Variants in AUTS2 observed in about 807,000 individuals in gnomAD.
AUTS2 encodes the protein autism susceptibility gene 2 protein.
Under a neutral mutation model 112.4 loss-of-function variants are expected in AUTS2, and 17 were observed. The ratio of observed to expected loss-of-function variants is 0.15; its 90% CI spans 0.10 to 0.23. The LOEUF is 0.23. Ranked by LOEUF, AUTS2 falls within the 10% of genes least tolerant of loss-of-function variation. AUTS2 has a pLI of 1.00. For synonymous variants in AUTS2, 751 were observed against 702.7 expected (o/e 1.07, Z -1.09); for missense variants, 1,510 against 1,701.6 (o/e 0.89, Z 1.98).
chr7:69,981,716 A>C lies in AUTS2; in HGVS notation c.522+82218A>C, dbSNP rs368879965. ...TTAGATTTGTAAATAAATTGTAGAA[A>C]AATCTTAAGACTGAAATTTAGATAT... On this transcript the variant is annotated intron_variant, in intron 2 of 18. Coordinates refer to ENST00000342771, the MANE Select transcript of AUTS2 (RefSeq NM_015570.4). 1.2e-4 allele frequency among the ~76,000 whole-genome samples: 19 copies of C among 152,338 alleles called. No homozygotes were observed. The East Asian group carries it at 1.7e-3, about 14-fold the overall frequency.
intron 4 of AUTS2, among the ~76,000 whole-genome samples, chr7:70,168,383 C>G (rs1808492580): frequency 6.6e-6 from 1 of 152,236 alleles, no homozygotes; most frequent in Admixed American, 6.5e-5. Context: ...GTGGCGTGAT[C>G]TTGGCTCACT....
At chr7:70,463,300 CA>C (rs1202640668) in intron 5 of AUTS2, among the ~76,000 whole-genome samples, 9 of 152,222 alleles carry the variant, frequency 5.9e-5, no homozygotes, top group African/African-American at 2.2e-4. Flanking sequence ...AAAACCCTAG[CA>C]GAAAGTATTC....
At chr7:70,131,293 A>G (rs1447255947) in intron 3 of AUTS2, among the ~76,000 whole-genome samples, 4 of 152,132 alleles carry the variant, frequency 2.6e-5, no homozygotes, top group Non-Finnish European at 5.9e-5. Flanking sequence ...TCTAGGAAAA[A>G]AAAAATAGCT....
intron 1 of AUTS2, among the ~76,000 whole-genome samples, chr7:69,614,541 G>A (rs910076094): frequency 3.3e-5 from 5 of 151,646 alleles, no homozygotes; most frequent in Non-Finnish European, 7.4e-5. Flanking sequence ...TGTAGAGACA[G>A]GGTCTTGCTG....
At chr7:70,247,874 T>G (rs1010207791) in intron 4 of AUTS2, among the ~76,000 whole-genome samples, 3 of 152,220 alleles carry the variant, frequency 2.0e-5, no homozygotes, top group Admixed American at 2.0e-4. Flanking sequence ...TGTTTTGTTT[T>G]GTTTTTAGGT....
chr7:70,128,881 C>T (rs1276211856), intron 3 of AUTS2, among the ~76,000 whole-genome samples: 1 of 152,138 alleles, frequency 6.6e-6, no homozygotes, highest in Non-Finnish European at 1.5e-5. Context: ...CCCAGTGATC[C>T]TTGGTGTTCC....
chr7:69,926,441 GTCTGTCTA>G (rs199758193), intron 2 of AUTS2, among the ~76,000 whole-genome samples: 5,836 of 139,994 alleles, frequency 0.042, 231 homozygotes, highest in African/African-American at 0.11. Context: ...CTGTCTGTCT[GTCTGTCTA>G]TCTATCTATC....
chr7:70,114,524 GA>G (rs1259872009), intron 2 of AUTS2, among the ~76,000 whole-genome samples: 1 of 152,214 alleles, frequency 6.6e-6, no homozygotes, highest in South Asian at 2.1e-4. Flanking sequence ...TGGGCGTGGT[GA>G]CTCACACCTG....
intron 1 of AUTS2, among the ~76,000 whole-genome samples, chr7:69,700,700 C>T (rs975436907): frequency 1.3e-5 from 2 of 152,164 alleles, no homozygotes; most frequent in African/African-American, 4.8e-5. Flanking sequence ...AAGTGAAAAC[C>T]TTGCCTCAAG....
At chr7:70,189,531 T>C (rs1809774144) in intron 4 of AUTS2, among the ~76,000 whole-genome samples, 1 of 152,150 alleles carries the variant, frequency 6.6e-6, no homozygotes, top group Admixed American at 6.6e-5. Flanking sequence ...TAAAGCTTGG[T>C]GCTAGATTAA....
intron 1 of AUTS2, among the ~76,000 whole-genome samples, chr7:69,744,681 A>G (rs1787412159): frequency 6.6e-6 from 1 of 152,060 alleles, no homozygotes; most frequent in African/African-American, 2.4e-5. Flanking sequence ...AAAAAAAAAA[A>G]AAAAAATTAG....
intron 1 of AUTS2, among the ~76,000 whole-genome samples, chr7:69,697,870 A>T (rs1797622494): frequency 6.6e-6 from 1 of 152,240 alleles, no homozygotes; most frequent in African/African-American, 2.4e-5. Flanking sequence ...AACTTTCTGT[A>T]GTGGATCAGC....
chr7:70,227,035 G>A (rs1024523120), intron 4 of AUTS2, among the ~76,000 whole-genome samples: 9 of 152,174 alleles, frequency 5.9e-5, no homozygotes, highest in Non-Finnish European at 1.2e-4. Flanking sequence ...ATTAAGACAC[G>A]TAAAAACAGT....
At chr7:70,389,889 A>G (rs551434894) in intron 4 of AUTS2, among the ~76,000 whole-genome samples, 124 of 152,296 alleles carry the variant, frequency 8.1e-4, no homozygotes, top group African/African-American at 2.8e-3. Flanking sequence ...AAAGACTAGA[A>G]TTATTCATCA....
At chr7:69,782,456 T>A (rs781435516) in intron 1 of AUTS2, among the ~76,000 whole-genome samples, 3 of 151,830 alleles carry the variant, frequency 2.0e-5, no homozygotes, top group African/African-American at 4.8e-5. Flanking sequence ...TTTTGCATGG[T>A]CCCTACCAGT....
At chr7:69,821,482 G>T (rs1398726678) in intron 1 of AUTS2, among the ~76,000 whole-genome samples, 1 of 152,058 alleles carries the variant, frequency 6.6e-6, no homozygotes, top group Non-Finnish European at 1.5e-5. Flanking sequence ...ATAAAAGCTG[G>T]CTACCCCAGC....
At chr7:70,150,085 C>G (rs780441726) in intron 4 of AUTS2, among the ~76,000 whole-genome samples, 5 of 151,810 alleles carry the variant, frequency 3.3e-5, no homozygotes, top group Non-Finnish European at 5.9e-5. Flanking sequence ...CAAAGTTACA[C>G]GTAAATTAAG....
intron 1 of AUTS2, among the ~76,000 whole-genome samples, chr7:69,871,106 C>G (rs561597843): frequency 1.3e-5 from 2 of 152,242 alleles, no homozygotes; most frequent in East Asian, 1.9e-4. Flanking sequence ...CACTCTCTAC[C>G]TTCAGATTAC....
At chr7:69,905,669 A>G (rs144128592) in intron 2 of AUTS2, among the ~76,000 whole-genome samples, 33 of 152,216 alleles carry the variant, frequency 2.2e-4, no homozygotes, top group African/African-American at 7.9e-4. Flanking sequence ...TTCCCTACTT[A>G]GTTCACTGAG....
Sources: allele counts gnomAD v4.1 joint callset (sites outside exome capture counted in the v4.1 genomes callset), GRCh38; gene constraint gnomAD v4.1.1; transcripts MANE v1.5; gene names NCBI Gene and HGNC (gene_info 2026-07-23, HGNC 2026-07-21).